NAALADL2: variants seen among roughly 807,000 people sequenced by gnomAD.
NAALADL2 encodes the protein inactive N-acetylated-alpha-linked acidic dipeptidase-like protein 2.
A neutral mutation model predicts 87.2 loss-of-function variants in NAALADL2; 76 were observed. The observed-to-expected ratio is 0.87, with a 90% CI of 0.72 to 1.05. NAALADL2 has a LOEUF of 1.05. Ranked by LOEUF, NAALADL2 falls within the 50% of genes least tolerant of loss-of-function variation. The probability of loss-of-function intolerance (pLI) is 0.00; values close to 1 mark genes in which losing one functional copy is unlikely to be tolerated. For missense variants in NAALADL2, 1,089 were observed against 945.8 expected, an observed-to-expected ratio of 1.15 and a Z score of -1.99; for synonymous variants, 354 against 331.0, an observed-to-expected ratio of 1.07 and a Z score of -0.75.
chr3:174,772,767 G>A (rs1427561600), intron 3 of NAALADL2, among the ~76,000 whole-genome samples: 1 of 152,166 alleles, frequency 6.6e-6, no homozygotes. Context: ...AAACACAAGA[G>A]AGGAACCCAT....
At chr3:174,965,516 G>T (rs920911784) in intron 1 of NAALADL2, among the ~76,000 whole-genome samples, 11 of 152,040 alleles carry the variant, frequency 7.2e-5, no homozygotes, top group African/African-American at 2.7e-4. Flanking sequence ...TCAAATATAT[G>T]CAAGTATTGT....
At chr3:174,800,159 A>G (rs978695990) in intron 3 of NAALADL2, among the ~76,000 whole-genome samples, 4 of 152,202 alleles carry the variant, frequency 2.6e-5, no homozygotes, top group African/African-American at 9.7e-5. Context: ...AGAAATTCAA[A>G]CTGGCTGCAG....
intron 5 of NAALADL2, among the ~76,000 whole-genome samples, chr3:175,432,716 G>A (rs1411582594): frequency 6.6e-6 from 1 of 152,000 alleles, no homozygotes; most frequent in African/African-American, 2.4e-5. Flanking sequence ...TGTAGCTAAT[G>A]AGAAGAGTTC....
intron 1 of NAALADL2, among the ~76,000 whole-genome samples, chr3:174,956,465 C>G (rs189170206): frequency 2.0e-5 from 3 of 152,066 alleles, no homozygotes; most frequent in Admixed American, 2.0e-4. Context: ...TTTATTTAGC[C>G]CCTATGGGCC....
chr3:175,217,049 T>C (rs1029460355), intron 2 of NAALADL2, among the ~76,000 whole-genome samples: 1 of 152,228 alleles, frequency 6.6e-6, no homozygotes, highest in African/African-American at 2.4e-5. Flanking sequence ...ACCTCTGGAA[T>C]GTATCTAAAA....
chr3:175,053,511 T>A (rs73883321), intron 1 of NAALADL2, among the ~76,000 whole-genome samples: 92 of 152,334 alleles, frequency 6.0e-4, no homozygotes, highest in African/African-American at 2.1e-3. Context: ...TCCTGGAATG[T>A]CTGCCTCAGC....
chr3:175,588,534 C>CTTTTCTTTTTTT (rs1720887287), intron 10 of NAALADL2, among the ~76,000 whole-genome samples: 1 of 78,142 alleles, frequency 1.3e-5, no homozygotes, highest in Non-Finnish European at 2.4e-5. Context: ...TCTTTCTTTT[C>CTTTTCTTTTTTT]TTTTTTTTTT....
chr3:174,565,192 A>G (rs1714106307), intron 2 of NAALADL2, among the ~76,000 whole-genome samples: 1 of 152,116 alleles, frequency 6.6e-6, no homozygotes, highest in Non-Finnish European at 1.5e-5. Context: ...ACTAAAGTCT[A>G]TAGATTACAT....
intron 2 of NAALADL2, among the ~76,000 whole-genome samples, chr3:174,670,853 G>A (rs1726463592): frequency 6.6e-6 from 1 of 152,054 alleles, no homozygotes; most frequent in African/African-American, 2.4e-5. Flanking sequence ...TCTCAGTGCT[G>A]GAGGTGGGGC....
intron 9 of NAALADL2, among the ~76,000 whole-genome samples, chr3:175,549,043 CCTT>C (rs1482540236): frequency 6.6e-6 from 1 of 151,948 alleles, no homozygotes; most frequent in Non-Finnish European, 1.5e-5. Flanking sequence ...TTCAAGCTCT[CCTT>C]CTGAATTAAT....
At chr3:175,548,720 T>A (rs1475746878) in intron 9 of NAALADL2, among the ~76,000 whole-genome samples, 1 of 151,996 alleles carries the variant, frequency 6.6e-6, no homozygotes, top group African/African-American at 2.4e-5. Context: ...GATTGAGATA[T>A]AAATAGTCCT....
chr3:175,647,465 G>C (rs1730169275), intron 11 of NAALADL2, among the ~76,000 whole-genome samples: 1 of 152,066 alleles, frequency 6.6e-6, no homozygotes, highest in African/African-American at 2.4e-5. Context: ...CATAACTGCT[G>C]CATTCAGATT....
chr3:175,094,234 C>T (rs915485436), intron 1 of NAALADL2, among the ~76,000 whole-genome samples: 1 of 151,650 alleles, frequency 6.6e-6, no homozygotes, highest in Non-Finnish European at 1.5e-5. Flanking sequence ...AATGCATAAG[C>T]TGAACAGTTA....
intron 2 of NAALADL2, among the ~76,000 whole-genome samples, chr3:174,634,916 A>G (rs1204003658): frequency 6.6e-6 from 1 of 152,072 alleles, no homozygotes; most frequent in East Asian, 1.9e-4. Flanking sequence ...TATTTTCTGT[A>G]TTTATTGAGA....
intron 1 of NAALADL2, among the ~76,000 whole-genome samples, chr3:174,906,444 A>T (rs1280075318): frequency 1.3e-5 from 2 of 152,092 alleles, no homozygotes; most frequent in Admixed American, 6.6e-5. Flanking sequence ...AAAGACTGTG[A>T]CTTTCATCAT....
Position 175,756,391 on chromosome 3 carries a change from C to G in NAALADL2, c.2189+973C>G, listed in dbSNP as rs538391889. Among the ~76,000 whole-genome samples the G allele has an allele frequency of 3.4e-4, 52 of 152,186 alleles. 1 individual carries two copies. The South Asian group carries it at 0.011, about 32-fold the overall frequency. ...TTGCATTCATATGTTTATCACAGGA[C>G]TAGTCACAATGGTGAAGTCATAGAA... On this transcript the variant is annotated intron_variant, in intron 13 of 13. Coordinates refer to ENST00000454872, the MANE Select transcript of NAALADL2 (RefSeq NM_207015.3).
chr3:175,493,818 G>A (rs16825847), intron 9 of NAALADL2, among the ~76,000 whole-genome samples: 12,495 of 151,898 alleles, frequency 0.082, 598 homozygotes, highest in South Asian at 0.12. Flanking sequence ...AACTATTGTC[G>A]GAACTCTTAA....
intron 2 of NAALADL2, among the ~76,000 whole-genome samples, chr3:175,125,981 G>A (rs1399679091): frequency 1.3e-5 from 2 of 152,006 alleles, no homozygotes; most frequent in African/African-American, 4.8e-5. Context: ...TGAATTTACA[G>A]GAAATCCAAA....
rs139328906 is a variant in NAALADL2 at position 175,320,481 on chromosome 3, C to A, written c.940-3694C>A. ...TCCTCAGTTGCTATATCTGGGAGGT[C>A]TGGCTGGTACCTCCAGGCAGAGACC... is the stretch of plus-strand genomic sequence containing the variant. On this transcript the variant is annotated intron_variant, in intron 4 of 13. Coordinates refer to ENST00000454872, the MANE Select transcript of NAALADL2 (RefSeq NM_207015.3). Among the ~76,000 whole-genome samples, 70 of 152,250 alleles carry A rather than the reference C, an allele frequency of 4.6e-4. 1 individual carries two copies. Among genetic ancestry groups the A allele is most frequent in the Admixed American group, 1.8e-3 (27 of 15,296 alleles).
Sources: gnomAD v4.1 joint callset for allele counts (sites outside exome capture counted in the v4.1 genomes callset) on GRCh38, gnomAD v4.1.1 for gene constraint, MANE v1.5 for transcripts, NCBI Gene and HGNC (gene_info 2026-07-23, HGNC 2026-07-21) for gene names.